The following MGST1 variants were observed in gnomAD, a reference collection of about 807,000 sequenced individuals.
The protein encoded by MGST1 is microsomal glutathione S-transferase 1.
A neutral mutation model predicts 8.9 loss-of-function variants in MGST1; 5 were observed. The observed-to-expected ratio is 0.56, with a 90% CI of 0.29 to 1.19. MGST1 has a LOEUF of 1.19. Ranked by LOEUF, MGST1 falls within the 50% of genes most tolerant of loss-of-function variation. MGST1 has a pLI of 0.08. For missense variants in MGST1, 182 were observed against 187.4 expected (o/e 0.97, Z 0.17); for synonymous variants, 54 against 67.8 (o/e 0.80, Z 1.00).
intron 4 of MGST1, among the ~76,000 whole-genome samples, chr12:16,463,922 A>T (rs1941237844): frequency 6.6e-6 from 1 of 152,184 alleles, no homozygotes; most frequent in Non-Finnish European, 1.5e-5. Context: ...CTCTGTGATG[A>T]TAGGAAGTCA....
chr12:16,522,069 T>C (rs1941651467), intron 4 of MGST1, among the ~76,000 whole-genome samples: 1 of 152,164 alleles, frequency 6.6e-6, no homozygotes, highest in Non-Finnish European at 1.5e-5. Context: ...AGTCCCAACA[T>C]GAGAGGCGCT....
chr12:16,575,652 A>G (rs1330343626), intron 4 of MGST1, among the ~76,000 whole-genome samples: 1 of 152,138 alleles, frequency 6.6e-6, no homozygotes, highest in East Asian at 1.9e-4. Flanking sequence ...CCAGCGTCAC[A>G]TAGATAGATA....
chr12:16,434,512 A>G (rs1450679418), intron 1 of MGST1, among the ~76,000 whole-genome samples: 1 of 151,732 alleles, frequency 6.6e-6, no homozygotes, highest in African/African-American at 2.4e-5. Context: ...TAGTGTTTAT[A>G]TGCTGGATAC....
At chr12:16,518,174 T>C (rs1191837145) in intron 4 of MGST1, among the ~76,000 whole-genome samples, 2 of 152,228 alleles carry the variant, frequency 1.3e-5, no homozygotes, top group African/African-American at 4.8e-5. Context: ...TATCCACTGC[T>C]ACCTCATCTT....
At chr12:16,441,795 A>G (rs766970995), downstream of MGST1, among the ~76,000 whole-genome samples, 10 of 151,854 alleles carry the variant, frequency 6.6e-5, no homozygotes, top group Admixed American at 2.6e-4. Context: ...ACCCTGCTTT[A>G]AACACATCCA....
chr12:16,552,480 A>G (rs1374980120), intron 4 of MGST1, among the ~76,000 whole-genome samples: 1 of 152,084 alleles, frequency 6.6e-6, no homozygotes, highest in Non-Finnish European at 1.5e-5. Flanking sequence ...GGACTGATTT[A>G]CATTTGCAAA....
chr12:16,538,695 G>A (rs767358737), intron 4 of MGST1, among the ~76,000 whole-genome samples: 4 of 148,178 alleles, frequency 2.7e-5, no homozygotes, highest in Non-Finnish European at 4.4e-5. Context: ...TGCAAGCTCC[G>A]CCTCTGGGGT....
At chr12:16,480,304 A>G (rs929988173) in intron 4 of MGST1, among the ~76,000 whole-genome samples, 9 of 151,838 alleles carry the variant, frequency 5.9e-5, no homozygotes, top group African/African-American at 1.9e-4. Context: ...CACCACACCC[A>G]GCTAATTTTT....
chr12:16,441,052 A>AT (rs1053933337), downstream of MGST1, among the ~76,000 whole-genome samples: 1 of 151,620 alleles, frequency 6.6e-6, no homozygotes, highest in Non-Finnish European at 1.5e-5. Flanking sequence ...CATACTTCTT[A>AT]TTTTTTTCCT....
At chr12:16,526,874 G>T (rs1178081075) in intron 4 of MGST1, among the ~76,000 whole-genome samples, 1 of 151,910 alleles carries the variant, frequency 6.6e-6, no homozygotes. Context: ...AGTAGTTGGT[G>T]TATCATTATA....
At position 16,521,836 on chromosome 12, in the gene MGST1, T is replaced by C. The variant is rs181080533; in HGVS notation, n.483-67692T>C. Among the ~76,000 whole-genome samples, 272 of 152,260 alleles carry C rather than the reference T, an allele frequency of 1.8e-3. 2 individuals are homozygous for C. Among genetic ancestry groups the C allele is most frequent in the Admixed American group, 4.8e-3 (74 of 15,278 alleles). On this transcript the variant is annotated intron_variant and non_coding_transcript_variant, in intron 4 of 4. Coordinates refer to the MGST1 transcript ENST00000538857. ...GATAACACTCTTGGTAGGCTGTAAA[T>C]GCTCCTCTGCTTTTAAAATTCCCTA... is the stretch of plus-strand genomic sequence containing the variant.
At chr12:16,578,827 C>T (rs1446728086) in intron 4 of MGST1, among the ~76,000 whole-genome samples, 1 of 81,698 alleles carries the variant, frequency 1.2e-5, no homozygotes, top group African/African-American at 4.1e-5. Flanking sequence ...CAAACAACAA[C>T]AACAACAACA....
chr12:16,354,247 GA>G lies in MGST1; in HGVS notation c.1del. 6.4e-7 allele frequency: 1 copy of G among 1,571,458 alleles called. No homozygotes were observed. Among genetic ancestry groups the G allele is most frequent in the Admixed American group, 2.0e-5 (1 of 49,968 alleles). On this transcript the variant is annotated 5_prime_UTR_variant, in exon 2 of 4. Transcript: ENST00000396210. ...CTTTTTAAGATTCCAGACCAAAATTGAAAAAATGGTTGACCTCACCCAGGTA... is the reference window on the plus strand; with the variant it reads ...CTTTTTAAGATTCCAGACCAAAATTGAAAAATGGTTGACCTCACCCAGGTA...
At chr12:16,481,795 T>G (rs184366494) in intron 4 of MGST1, among the ~76,000 whole-genome samples, 1 of 151,472 alleles carries the variant, frequency 6.6e-6, no homozygotes, top group Non-Finnish European at 1.5e-5. Flanking sequence ...TAGTTTCAGA[T>G]AGAAAAGAAT....
intron 1 of MGST1, among the ~76,000 whole-genome samples, chr12:16,385,126 G>A (rs2137046211): frequency 6.6e-6 from 1 of 152,332 alleles, no homozygotes; most frequent in South Asian, 2.1e-4. Context: ...GAAACTATTT[G>A]CAACTCAGAG....
At chr12:16,591,354 C>T (rs1386892087), downstream of MGST1, among the ~76,000 whole-genome samples, 1 of 151,894 alleles carries the variant, frequency 6.6e-6, no homozygotes, top group Non-Finnish European at 1.5e-5. The surrounding 1 kb of genome is among the most constrained non-coding windows in gnomAD (Gnocchi z 4.1). Flanking sequence ...CTCAAGTCAC[C>T]GTCTCAGTGA....
intron 4 of MGST1, among the ~76,000 whole-genome samples, chr12:16,452,400 CA>C (rs35104776): frequency 1.4e-3 from 194 of 138,444 alleles, no homozygotes; most frequent in Admixed American, 2.4e-3. Context: ...AGGAAGTGGC[CA>C]AAAAAAAAAA....
chr12:16,456,037 A>G (rs1159982734), intron 4 of MGST1, among the ~76,000 whole-genome samples: 1 of 151,896 alleles, frequency 6.6e-6, no homozygotes, highest in Non-Finnish European at 1.5e-5. Context: ...GATATATTTG[A>G]GCAAGTGTTC....
intron 4 of MGST1, among the ~76,000 whole-genome samples, chr12:16,450,804 G>A (rs1193782958): frequency 6.6e-6 from 1 of 151,582 alleles, no homozygotes; most frequent in Non-Finnish European, 1.5e-5. Flanking sequence ...GTGAATGTAG[G>A]AGGCGGTTAG....
Sources: allele counts gnomAD v4.1 joint callset (sites outside exome capture counted in the v4.1 genomes callset), GRCh38; gene constraint gnomAD v4.1.1; non-coding constraint Gnocchi (gnomAD v3.1); transcripts MANE v1.5; gene names NCBI Gene and HGNC (gene_info 2026-07-23, HGNC 2026-07-21).